TENM3: variants seen among roughly 807,000 people sequenced by gnomAD.
The protein encoded by TENM3 is teneurin-3.
Under a neutral mutation model 255.1 loss-of-function variants are expected in TENM3, and 63 were observed. The observed-to-expected ratio is 0.25, with a 90% CI of 0.20 to 0.30. The LOEUF is 0.30. TENM3 is among the 10% of genes least tolerant of loss of function. TENM3 has a pLI of 1.00. For synonymous variants in TENM3, 1,306 were observed against 1,322.3 expected, an observed-to-expected ratio of 0.99 and a Z score of 0.27; for missense variants, 2,929 against 3,461.1, an observed-to-expected ratio of 0.85 and a Z score of 3.86.
At chr4:182,020,705 C>T in the TENM3 span, among the ~76,000 whole-genome samples, 4 of 152,216 alleles carry the variant, frequency 2.6e-5, no homozygotes, top group East Asian at 7.7e-4. Context: ...AAAGAAAAGT[C>T]ATCTTTCAAA....
At chr4:182,405,576 C>T (rs376306546) in intron 3 of TENM3, among the ~76,000 whole-genome samples, 80 of 152,312 alleles carry the variant, frequency 5.3e-4, no homozygotes, top group African/African-American at 1.8e-3. Context: ...GTTTATTTAA[C>T]AAACGTTCAG....
At chr4:182,567,217 T>C (rs1743883332) in intron 3 of TENM3, among the ~76,000 whole-genome samples, 1 of 152,238 alleles carries the variant, frequency 6.6e-6, no homozygotes, top group African/African-American at 2.4e-5. Context: ...TTGTCTCTAT[T>C]GTCAAAGTAT....
chr4:182,692,291 T>A (rs1434211899), intron 12 of TENM3, among the ~76,000 whole-genome samples: 1 of 152,142 alleles, frequency 6.6e-6, no homozygotes, highest in Non-Finnish European at 1.5e-5. Flanking sequence ...ATAGGCAGAG[T>A]CAATCACTTT....
the TENM3 span, among the ~76,000 whole-genome samples, chr4:181,524,363 T>A: frequency 6.6e-6 from 1 of 152,242 alleles, no homozygotes; most frequent in African/African-American, 2.4e-5. Flanking sequence ...AGCAAATACC[T>A]TTGCTATTGG....
intron 5 of TENM3, among the ~76,000 whole-genome samples, chr4:182,630,609 A>T (rs904241712): frequency 9.2e-5 from 14 of 152,232 alleles, no homozygotes; most frequent in Non-Finnish European, 1.9e-4. Context: ...TGGACTTAAT[A>T]CCTAGGTGAT....
chr4:181,738,669 T>C, the TENM3 span, among the ~76,000 whole-genome samples: 2 of 152,124 alleles, frequency 1.3e-5, no homozygotes, highest in African/African-American at 2.4e-5. Context: ...TTGCTTTTTT[T>C]CTGGCTATTG....
At chr4:182,616,842 C>G (rs1749591001) in intron 4 of TENM3, among the ~76,000 whole-genome samples, 1 of 152,188 alleles carries the variant, frequency 6.6e-6, no homozygotes, top group Non-Finnish European at 1.5e-5. Flanking sequence ...GGAAAATAAA[C>G]AGGAACCCAG....
chr4:182,762,926 A>G (rs576598378), intron 22 of TENM3, among the ~76,000 whole-genome samples: 2 of 152,264 alleles, frequency 1.3e-5, no homozygotes, highest in African/African-American at 4.8e-5. Context: ...CTGATGATAT[A>G]CTTCAAAAAA....
chr4:182,790,072 A>T (rs551706586), intron 25 of TENM3, among the ~76,000 whole-genome samples: 1 of 152,340 alleles, frequency 6.6e-6, no homozygotes, highest in East Asian at 1.9e-4. Flanking sequence ...AAATGAAAGT[A>T]AAAGAAAGGG....
At chr4:181,521,538 G>A in the TENM3 span, among the ~76,000 whole-genome samples, 1 of 152,130 alleles carries the variant, frequency 6.6e-6, no homozygotes, top group Non-Finnish European at 1.5e-5. Context: ...CTCTACTGAA[G>A]GATATAGACT....
the TENM3 span, among the ~76,000 whole-genome samples, chr4:181,959,682 G>A: frequency 6.6e-6 from 1 of 151,840 alleles, no homozygotes; most frequent in Non-Finnish European, 1.5e-5. Flanking sequence ...ACAAAATGTT[G>A]AAAGAAAAAA....
At chr4:181,970,983 T>C in the TENM3 span, among the ~76,000 whole-genome samples, 1 of 152,154 alleles carries the variant, frequency 6.6e-6, no homozygotes, top group Non-Finnish European at 1.5e-5. Flanking sequence ...GGTCTCACTC[T>C]ATTGTCCAGG....
the TENM3 span, among the ~76,000 whole-genome samples, chr4:181,888,617 T>TGTGTGTGG: frequency 3.9e-5 from 4 of 103,112 alleles, no homozygotes; most frequent in Non-Finnish European, 8.2e-5. Flanking sequence ...TGTGTGTGTG[T>TGTGTGTGG]GGAAAGAGAG....
At chr4:182,037,831 T>TTTTTTA in the TENM3 span, among the ~76,000 whole-genome samples, 1 of 151,970 alleles carries the variant, frequency 6.6e-6, no homozygotes, top group African/African-American at 2.4e-5. Flanking sequence ...TTTAAGAAAA[T>TTTTTTA]TTTTTATTTT....
At chr4:181,907,998 C>T in the TENM3 span, among the ~76,000 whole-genome samples, 1 of 152,054 alleles carries the variant, frequency 6.6e-6, no homozygotes, top group South Asian at 2.1e-4. Flanking sequence ...ATTAAGACAA[C>T]GTGTATTTTT....
chr4:182,235,779 G>T (rs1203519585), intron 1 of TENM3, among the ~76,000 whole-genome samples: 1 of 152,224 alleles, frequency 6.6e-6, no homozygotes, highest in African/African-American at 2.4e-5. Flanking sequence ...GCGTTAGGAA[G>T]GAGGTAGGAG....
intron 1 of TENM3, among the ~76,000 whole-genome samples, chr4:182,296,536 C>G (rs1323115735): frequency 6.6e-6 from 1 of 152,170 alleles, no homozygotes; most frequent in Non-Finnish European, 1.5e-5. Flanking sequence ...CGCTAATTGG[C>G]TGTAACTAGT....
At chr4:181,991,850 A>G in the TENM3 span, among the ~76,000 whole-genome samples, 1 of 152,138 alleles carries the variant, frequency 6.6e-6, no homozygotes, top group Non-Finnish European at 1.5e-5. Flanking sequence ...TTTTATAGGC[A>G]GTGGAAGCTG....
chr4:181,852,865 T>C, the TENM3 span, among the ~76,000 whole-genome samples: 1 of 152,238 alleles, frequency 6.6e-6, no homozygotes, highest in African/African-American at 2.4e-5. Flanking sequence ...GTAGTGGTGA[T>C]GGTTTCAGAA....
Sources: gnomAD v4.1 joint callset for allele counts (sites outside exome capture counted in the v4.1 genomes callset) on GRCh38, gnomAD v4.1.1 for gene constraint, MANE v1.5 for transcripts, NCBI Gene and HGNC (gene_info 2026-07-23, HGNC 2026-07-21) for gene names.